Variants in PDZD2 observed in about 807,000 individuals in gnomAD.
The protein encoded by PDZD2 is PDZ domain-containing protein 2.
A neutral mutation model predicts 220.7 loss-of-function variants in PDZD2; 90 were observed. The ratio of observed to expected loss-of-function variants is 0.41; its 90% confidence interval spans 0.34 to 0.49. PDZD2 has a LOEUF of 0.49. PDZD2 is among the 20% of genes least tolerant of loss of function. The pLI is 0.28. For missense variants in PDZD2, 3,174 were observed against 3,608.5 expected (o/e 0.88, Z 3.08); for synonymous variants, 1,375 against 1,450.5 (o/e 0.95, Z 1.18).
rs776430859 is a variant in PDZD2 at position 32,072,283 on chromosome 5, G to A, written c.2691G>A (p.Thr897=). Residue 897 remains threonine, a synonymous_variant, in exon 17 of 25, where the codon ACG becomes ACA. Coordinates refer to ENST00000438447, the MANE Select transcript of PDZD2 (RefSeq NM_178140.4). ...ATCACCCGGGAAGTGGCTGCAGCAC[G>A]TCGGAGGAGGGCAGCCTGCCTCCCA... ...DEDHPGSGCS[T]SEEGSLPPST... is the part of the protein sequence containing the mutation. 11 of 1,613,932 alleles carry A rather than the reference G, an allele frequency of 6.8e-6. No homozygotes were observed. Among genetic ancestry groups the A allele is most frequent in the African/African-American group, 1.3e-5 (1 of 75,056 alleles).
At chr5:31,802,703 A>G (rs10067494) in intron 2 of PDZD2, among the ~76,000 whole-genome samples, 85,446 of 151,902 alleles carry the variant, frequency 0.56, 25,858 homozygotes, top group African/African-American at 0.8. Flanking sequence ...GGCAGATCAC[A>G]AGGTCAGGAG....
rs543485906 is a variant in PDZD2 at position 31,719,971 on chromosome 5, G to C, written c.-360-78918G>C. ...GCTCCAGCAGAGGCAGAATTGGCCT[G>C]GAAGCAAAGCAGCCAGTCCAGGCAA... On this transcript the variant is annotated intron_variant, in intron 1 of 24. Transcript: ENST00000438447. Among the ~76,000 whole-genome samples the C allele has an allele frequency of 3.3e-5, 5 of 152,350 alleles. No homozygotes were observed. In the South Asian group the frequency reaches 1.0e-3, roughly 32 times the overall value.
intron 1 of PDZD2, chr5:31,657,242 TC>T (rs1745588152): frequency 6.6e-6 from 1 of 152,316 alleles, no homozygotes; most frequent in Non-Finnish European, 1.5e-5. Context: ...GTTTGGATGG[TC>T]CTGTGCAATG....
intron 2 of PDZD2, among the ~76,000 whole-genome samples, chr5:31,976,449 G>A (rs976936583): frequency 1.3e-5 from 2 of 152,154 alleles, no homozygotes; most frequent in African/African-American, 4.8e-5. Flanking sequence ...GTCCAACAAG[G>A]TGACTATTAG....
At chr5:31,718,653 G>C (rs1407752224) in intron 1 of PDZD2, among the ~76,000 whole-genome samples, 2 of 149,740 alleles carry the variant, frequency 1.3e-5, no homozygotes, top group East Asian at 3.9e-4. Flanking sequence ...TTCTTATAAA[G>C]CCACTAGTTA....
intron 2 of PDZD2, among the ~76,000 whole-genome samples, chr5:31,811,537 T>C (rs1755109163): frequency 6.6e-6 from 1 of 152,206 alleles, no homozygotes; most frequent in Non-Finnish European, 1.5e-5. Context: ...GAAGTGCATG[T>C]CTCCCCAGCC....
At position 32,090,807 on chromosome 5, in the gene PDZD2, C is replaced by A. The variant is rs1327601498; in HGVS notation, c.7359C>A (p.Thr2453=). The A allele has an allele frequency of 1.2e-6, 2 of 1,614,094 alleles. No individual in the cohort carries two copies. Among genetic ancestry groups the A allele is most frequent in the Non-Finnish European group, 8.5e-7 (1 of 1,179,994 alleles). Residue 2453 remains threonine (T), a synonymous_variant, in exon 20 of 25, where the codon ACC becomes ACA. Transcript: ENST00000438447. This position sits in a 1 kb window ranked among gnomAD's most constrained non-coding sequence, Gnocchi z 4.3. ...CACTTGGTCCTTTGGGAATTCCCAC[C>A]CCAACGATGACCCTGGCTTCTCCTG... ...KKSLGPLGIP[T]PTMTLASPVK...
chr5:31,746,666 GAAAGGTGT>G (rs571060750), intron 1 of PDZD2, among the ~76,000 whole-genome samples: 15 of 152,268 alleles, frequency 9.9e-5, no homozygotes, highest in African/African-American at 3.4e-4. Context: ...TCCTCAAATG[GAAAGGTGT>G]TCTGTGTGTC....
chr5:31,766,951 C>T (rs1256648063), intron 1 of PDZD2, among the ~76,000 whole-genome samples: 2 of 151,554 alleles, frequency 1.3e-5, no homozygotes, highest in East Asian at 3.9e-4. Context: ...TGTTCTCCAA[C>T]TCCTGACCTC....
intron 8 of PDZD2, among the ~76,000 whole-genome samples, chr5:32,049,993 G>A (rs960216277): frequency 6.6e-6 from 1 of 152,168 alleles, no homozygotes; most frequent in Non-Finnish European, 1.5e-5. Flanking sequence ...GAGTTCAGTG[G>A]TGCGACCTTG....
intron 1 of PDZD2, among the ~76,000 whole-genome samples, chr5:31,778,318 C>T (rs775991603): frequency 4.6e-5 from 7 of 151,962 alleles, no homozygotes; most frequent in Non-Finnish European, 8.8e-5. Flanking sequence ...TGGCAAGAGG[C>T]TCGGGTCCCC....
rs1250577097 is a variant in PDZD2, at chr5:31,983,637, C to T, written c.959C>T (p.Ser320Leu). 5 of 1,613,410 alleles carry T rather than the reference C, an allele frequency of 3.1e-6. No individual in the cohort carries two copies. The highest frequency in any genetic ancestry group is 3.3e-5 in the Admixed American group (2 of 59,980). Residue 320 changes from serine (S) to leucine (L), a missense_variant, in exon 3 of 25, where the codon TCG becomes TTG. Physicochemically the swap from Ser to Leu is moderately radical, Grantham distance 145. This residue lies in a region of PDZD2 where 632 missense variants were observed against 708.1 expected (regional missense o/e 0.89). Transcript: ENST00000438447. ...FSKGGKTDFQ[S>L]SDCLAREEVG... ...AAAGGTGGGAAGACGGACTTCCAAT[C>T]GAGTGACTGCCTGGCACGGGTAAGG...
chr5:31,894,232 G>T (rs1247474653), intron 2 of PDZD2, among the ~76,000 whole-genome samples: 1 of 151,816 alleles, frequency 6.6e-6, no homozygotes, highest in African/African-American at 2.4e-5. Context: ...CATTTTAAGG[G>T]TGCTCTATAT....
chr5:32,060,122 C>A (rs921021864), intron 13 of PDZD2, among the ~76,000 whole-genome samples: 2 of 151,950 alleles, frequency 1.3e-5, no homozygotes, highest in African/African-American at 4.8e-5. Flanking sequence ...CATTTTGGGG[C>A]CCTGTTAATA....
In PDZD2 at chr5:31,898,159, A is replaced by T. The variant is rs1262606783; in HGVS notation, c.477-84996A>T. Among the ~76,000 whole-genome samples, 4 of 152,246 alleles carry T rather than the reference A, an allele frequency of 2.6e-5. No individual in the cohort carries two copies. In the East Asian group the frequency reaches 7.7e-4, roughly 29 times the overall value. On this transcript the variant is annotated intron_variant, in intron 2 of 24. Transcript: ENST00000438447. ...GTGATGAACTCATATGAATTATACCAAAAGTACAGAGTATGGTCGGATCCA... is the reference window on the plus strand; with the variant it reads ...GTGATGAACTCATATGAATTATACCTAAAGTACAGAGTATGGTCGGATCCA...
chr5:31,859,814 CAG>C (rs1306848468), intron 2 of PDZD2, among the ~76,000 whole-genome samples: 2 of 152,166 alleles, frequency 1.3e-5, no homozygotes, highest in Non-Finnish European at 2.9e-5. Context: ...AACAATGTCT[CAG>C]AATCTAGAAC....
chr5:31,873,968 C>G (rs1649115274), intron 2 of PDZD2, among the ~76,000 whole-genome samples: 1 of 150,168 alleles, frequency 6.7e-6, no homozygotes, highest in South Asian at 2.1e-4. Context: ...CCTCAGGTGA[C>G]CCGCCCACTT....
At chr5:32,048,367 T>C (rs1738180730) in intron 7 of PDZD2, among the ~76,000 whole-genome samples, 172 bp from the exon 8 acceptor site, 1 of 152,196 alleles carries the variant, frequency 6.6e-6, no homozygotes, top group Non-Finnish European at 1.5e-5. Flanking sequence ...GTAACTAGCT[T>C]ATGCAGAGAT....
intron 2 of PDZD2, among the ~76,000 whole-genome samples, chr5:31,902,098 T>C (rs973783684): frequency 1.3e-5 from 2 of 152,252 alleles, no homozygotes; most frequent in Non-Finnish European, 2.9e-5. Context: ...CATGGGTATA[T>C]ACCTAAGAGT....
Sources: allele counts gnomAD v4.1 joint callset (sites outside exome capture counted in the v4.1 genomes callset), GRCh38; gene constraint gnomAD v4.1.1; regional missense constraint gnomAD v4.1.1; non-coding constraint Gnocchi (gnomAD v3.1); transcripts MANE v1.5; gene names NCBI Gene and HGNC (gene_info 2026-07-23, HGNC 2026-07-21).